Variants in SGO2 observed in about 807,000 individuals in gnomAD.
SGO2 encodes the protein shugoshin-like 2.
In SGO2, 68 loss-of-function variants were observed where a neutral mutation model predicts 99.5. The observed-to-expected ratio is 0.68, with a 90% CI of 0.56 to 0.84. The LOEUF (loss-of-function observed/expected upper bound fraction) is 0.84. Among genes scored for constraint, SGO2 ranks in the 40% least tolerant of loss-of-function variants. SGO2 has a pLI of 0.00. For missense variants in SGO2, 1,350 were observed against 1,436.7 expected, an observed-to-expected ratio of 0.94 and a Z score of 0.97; for synonymous variants, 457 against 487.1, an observed-to-expected ratio of 0.94 and a Z score of 0.81.
At chr2:200,542,552 T>C in intron 4 of SGO2, 27 bp from the exon 5 acceptor site, 1 of 1,568,922 alleles carries the variant, frequency 6.4e-7, no homozygotes, top group Non-Finnish European at 8.7e-7. Flanking sequence ...TTAGAAACTT[T>C]GTTTTCTTTA....
In SGO2 at chr2:200,563,954, T is replaced by C. The variant is rs547281830; in HGVS notation, c.474-5709T>C. On this transcript the variant is annotated intron_variant, in intron 5 of 8. Coordinates refer to ENST00000357799, the MANE Select transcript of SGO2 (RefSeq NM_152524.6). ...TCTATTTGATTCTTCTCTCTTTTCT[T>C]CTTTATTAGTCTTGCTAGCGGTCTA... 2.0e-5 allele frequency among the ~76,000 whole-genome samples: 3 copies of C among 152,320 alleles called. No homozygotes were observed. The East Asian group carries it at 5.8e-4, about 29-fold the overall frequency.
intron 5 of SGO2, among the ~76,000 whole-genome samples, chr2:200,549,456 A>G (rs1164272273): frequency 1.3e-5 from 2 of 152,228 alleles, no homozygotes; most frequent in Non-Finnish European, 2.9e-5. Flanking sequence ...ACGAAAAAAT[A>G]AAACTACAGA....
At chr2:200,538,596 A>T (rs1161459596) in intron 4 of SGO2, among the ~76,000 whole-genome samples, 1 of 152,224 alleles carries the variant, frequency 6.6e-6, no homozygotes, top group Non-Finnish European at 1.5e-5. Context: ...TCTAGAACAT[A>T]GTAGGATGCA....
rs1553562331 is a variant in SGO2 at position 200,570,478 on chromosome 2, A to ATCTGTG, written c.704-571_704-570insCTGTGT. Among the ~76,000 whole-genome samples the ATCTGTG allele has an allele frequency of 2.1e-5, 3 of 142,762 alleles. No individual in the cohort carries two copies. The highest frequency in any genetic ancestry group is 4.6e-5 in the Non-Finnish European group (3 of 65,512). 93.7% of individuals were successfully genotyped at this position (142,762 alleles called of 152,430 possible). A position where few individuals can be genotyped will look rare whatever the true frequency, so the allele number is the denominator to read the frequency against. On this transcript the variant is annotated intron_variant, in intron 6 of 8. Transcript: ENST00000357799. The surrounding 1 kb of genome is among the most constrained non-coding windows in gnomAD (Gnocchi z 4.4). ...TTAGAATTGTTTTTCCTTTCTGAAA[A>ATCTGTG]TGTGTGTGTGTGTGTGTGTGTGTGT...
chr2:200,583,425 TC>T (rs2033901901), intron 8 of SGO2, 23 bp from the exon 9 acceptor site: 1 of 1,575,422 alleles, frequency 6.3e-7, no homozygotes, highest in South Asian at 1.2e-5. Context: ...TTGTTATTAA[TC>T]TTCCTTTTTT....
At chr2:200,565,047 T>C (rs1283801073) in intron 5 of SGO2, among the ~76,000 whole-genome samples, 1 of 152,232 alleles carries the variant, frequency 6.6e-6, no homozygotes, top group Non-Finnish European at 1.5e-5. Context: ...AACCGGAGCA[T>C]TTAGCCCATT....
intron 5 of SGO2, among the ~76,000 whole-genome samples, chr2:200,543,841 T>TGTCC (rs1313894483): frequency 6.6e-6 from 1 of 152,244 alleles, no homozygotes. Context: ...CTCCAAAAAA[T>TGTCC]TGTATTGTGT....
chr2:200,542,741 A>T (rs1157957453), intron 5 of SGO2, 77 bp downstream of exon 5: 1 of 1,293,682 alleles, frequency 7.7e-7, no homozygotes, highest in Non-Finnish European at 1.1e-6. Context: ...TGTGTATTGT[A>T]CAGTGTTCAG....
At chr2:200,531,081 G>A (rs545158232) in intron 1 of SGO2, among the ~76,000 whole-genome samples, 16 of 152,142 alleles carry the variant, frequency 1.1e-4, no homozygotes, top group Middle Eastern at 3.2e-3. Flanking sequence ...TGATGATATC[G>A]GGAAAGAATT....
At chr2:200,566,594 A>G (rs1355306735) in intron 5 of SGO2, among the ~76,000 whole-genome samples, 1 of 152,146 alleles carries the variant, frequency 6.6e-6, no homozygotes, top group East Asian at 1.9e-4. Flanking sequence ...ATTCTCTTCA[A>G]AGCTGTCAGA....
At chr2:200,530,282 T>C (rs922150319) in intron 1 of SGO2, among the ~76,000 whole-genome samples, 1 of 152,158 alleles carries the variant, frequency 6.6e-6, no homozygotes, top group African/African-American at 2.4e-5. Context: ...TGAGAATTGG[T>C]CAGATTCTAA....
chr2:200,538,744 G>A (rs893761778), intron 4 of SGO2, among the ~76,000 whole-genome samples: 4 of 152,160 alleles, frequency 2.6e-5, no homozygotes, highest in African/African-American at 7.2e-5. Flanking sequence ...GCTAAGTAAT[G>A]TAAGTATCTT....
chr2:200,540,607 A>G (rs773614586), intron 4 of SGO2, among the ~76,000 whole-genome samples: 3 of 152,216 alleles, frequency 2.0e-5, no homozygotes, highest in Non-Finnish European at 4.4e-5. Flanking sequence ...TGAAAATCCT[A>G]GTTCTTTATT....
intron 8 of SGO2, among the ~76,000 whole-genome samples, chr2:200,576,905 A>G (rs1171061779): frequency 6.6e-6 from 1 of 152,174 alleles, no homozygotes; most frequent in East Asian, 1.9e-4. Context: ...ATAATATTCC[A>G]TTGTGTAGAT....
intron 8 of SGO2, among the ~76,000 whole-genome samples, chr2:200,575,755 G>A (rs2033633714): frequency 6.6e-6 from 1 of 151,940 alleles, no homozygotes; most frequent in Non-Finnish European, 1.5e-5. Flanking sequence ...AAAATTTGTG[G>A]CCTGTGATTT....
intron 5 of SGO2, among the ~76,000 whole-genome samples, chr2:200,546,340 G>A (rs546379724): frequency 2.1e-4 from 26 of 125,754 alleles, no homozygotes; most frequent in African/African-American, 7.0e-4. Flanking sequence ...GCTATCGAGC[G>A]AGACTCCATC....
Position 200,572,683 on chromosome 2 carries a change from T to C in SGO2, c.2337T>C (p.Asp779=). 6.2e-7 allele frequency: 1 copy of C among 1,612,204 alleles called. No homozygotes were observed. The highest frequency in any genetic ancestry group is 1.3e-5 in the African/African-American group (1 of 74,894). The part of the protein sequence containing the change: ...LSTKDSGNLY[D]SEIQNVLGVK... ...CCAAAGATAGTGGAAACCTGTATGA[T>C]TCTGAGATTCAAAATGTTTTGGGGG... Residue 779 remains aspartate, a synonymous_variant, in exon 7 of 9, where the codon GAT becomes GAC. Coordinates refer to ENST00000357799, the MANE Select transcript of SGO2 (RefSeq NM_152524.6).
At chr2:200,532,938 TAATC>T (rs763511855) in intron 1 of SGO2, 32 bp from the exon 2 acceptor site, 1 of 1,578,228 alleles carries the variant, frequency 6.3e-7, no homozygotes, top group Non-Finnish European at 8.6e-7. Context: ...TTTCTTTTAT[TAATC>T]AATACTATGA....
intron 5 of SGO2, among the ~76,000 whole-genome samples, chr2:200,562,247 G>A (rs112347465): frequency 0.79 from 120,118 of 151,686 alleles, 47,789 homozygotes; most frequent in Non-Finnish European, 0.83. Context: ...GGTGTAAGGA[G>A]GGGATCCAGT....
Sources: allele counts gnomAD v4.1 joint callset (sites outside exome capture counted in the v4.1 genomes callset), GRCh38; gene constraint gnomAD v4.1.1; non-coding constraint Gnocchi (gnomAD v3.1); transcripts MANE v1.5; gene names NCBI Gene and HGNC (gene_info 2026-07-23, HGNC 2026-07-21).